LRP1B: variants seen among roughly 807,000 people sequenced by gnomAD.
The protein encoded by LRP1B is LDL receptor related protein 1B, also known as low-density lipoprotein receptor-related protein 1B.
A neutral mutation model predicts 556.6 loss-of-function variants in LRP1B; 217 were observed. The ratio of observed to expected loss-of-function variants is 0.39; its 90% CI spans 0.35 to 0.44. The LOEUF is 0.44. Ranked by LOEUF, LRP1B falls within the 20% of genes least tolerant of loss-of-function variation. The pLI, the probability that LRP1B is intolerant of heterozygous loss-of-function variation, is 1.00. For synonymous variants in LRP1B, 2,047 were observed against 1,865.8 expected, an observed-to-expected ratio of 1.10 and a Z score of -2.50; for missense variants, 5,053 against 5,620.8, an observed-to-expected ratio of 0.90 and a Z score of 3.23.
rs564201676 is a variant in LRP1B at position 141,172,124 on chromosome 2, G to A, written c.1013+16297C>T. On this transcript the variant is annotated intron_variant, in intron 7 of 90. Coordinates refer to ENST00000389484, the MANE Select transcript of LRP1B (RefSeq NM_018557.3). ...TTCTAGGTTACTTGATATCACATAT[G>A]AGAAGATGCTCAATGAAATAACTTT... 3.3e-5 allele frequency among the ~76,000 whole-genome samples: 5 copies of A among 152,222 alleles called. No homozygotes were observed. The East Asian group carries it at 7.8e-4, about 24-fold the overall frequency.
At chr2:141,493,649 C>T (rs573341826) in intron 2 of LRP1B, among the ~76,000 whole-genome samples, 11 of 152,218 alleles carry the variant, frequency 7.2e-5, no homozygotes, top group African/African-American at 1.2e-4. Context: ...GGTAGCCTCT[C>T]GCTCTGCCCA....
In LRP1B at chr2:142,004,284, G is replaced by A. The variant is rs187442789; in HGVS notation, c.82+126364C>T. On this transcript the variant is annotated intron_variant, in intron 1 of 90. Coordinates refer to ENST00000389484, the MANE Select transcript of LRP1B (RefSeq NM_018557.3). ...CACAGATCTATGATTTTAATTCTGG[G>A]TGCTAAGGAAAATTAGAATGTCATT... Among the ~76,000 whole-genome samples, 376 of 152,188 alleles carry A rather than the reference G, an allele frequency of 2.5e-3. 1 individual carries two copies. Among genetic ancestry groups the A allele is most frequent in the African/African-American group, 8.6e-3 (359 of 41,526 alleles).
chr2:140,873,685 G>T (rs1396271832), intron 25 of LRP1B, among the ~76,000 whole-genome samples: 2 of 151,716 alleles, frequency 1.3e-5, no homozygotes, highest in East Asian at 1.9e-4. Flanking sequence ...TAAATGTAAT[G>T]GGATAAATAC....
At chr2:142,022,638 A>G (rs1263797133) in intron 1 of LRP1B, among the ~76,000 whole-genome samples, 1 of 147,892 alleles carries the variant, frequency 6.8e-6, no homozygotes, top group Non-Finnish European at 1.5e-5. Flanking sequence ...TTTTATTTTA[A>G]TAAACAAATC....
At chr2:140,829,734 C>G (rs891743388) in intron 31 of LRP1B, among the ~76,000 whole-genome samples, 2 of 151,648 alleles carry the variant, frequency 1.3e-5, no homozygotes, top group Admixed American at 1.3e-4. Context: ...AAGAATAAAC[C>G]AATCCCAAAA....
chr2:140,475,230 G>A lies in LRP1B; in HGVS notation c.9533C>T (p.Ala3178Val). Residue 3178 changes from alanine (A) to valine (V), a missense_variant, in exon 60 of 91, where the codon GCA (alanine) becomes GTA (valine). Physicochemically the swap from Ala to Val is moderately conservative, Grantham distance 64. Transcript: ENST00000389484. ...VIETKISRPM[A>V]LTIDYVNRRL... ...ACGATTAACATAATCTATTGTTAGT[G>A]CCATAGGTCTAGAAATCTTGGTTTC... The A allele has an allele frequency of 6.2e-7, 1 of 1,611,692 alleles. No individual in the cohort carries two copies.
chr2:141,808,294 G>A (rs1696227347), intron 2 of LRP1B, among the ~76,000 whole-genome samples: 1 of 151,986 alleles, frequency 6.6e-6, no homozygotes, highest in South Asian at 2.1e-4. Context: ...AGAATTCACA[G>A]GAGGATCAGG....
chr2:141,894,635 T>TTAGATC (rs6146947), intron 1 of LRP1B, among the ~76,000 whole-genome samples: 5,592 of 147,294 alleles, frequency 0.038, 143 homozygotes, highest in Non-Finnish European at 0.056. Context: ...AATAGAATAT[T>TTAGATC]TAGATCTAGA....
At chr2:141,408,986 C>G (rs192307458) in intron 3 of LRP1B, among the ~76,000 whole-genome samples, 117 of 152,234 alleles carry the variant, frequency 7.7e-4, no homozygotes, top group Non-Finnish European at 1.4e-3. Context: ...TTACATTTCT[C>G]TACATTGGCT....
Position 141,271,083 on chromosome 2 carries a change from T to C in LRP1B, c.344-16442A>G, listed in dbSNP as rs925156091. 3.9e-5 allele frequency among the ~76,000 whole-genome samples: 6 copies of C among 151,910 alleles called. No individual in the cohort carries two copies. In the East Asian group the frequency reaches 1.2e-3, roughly 29 times the overall value. On this transcript the variant is annotated intron_variant, in intron 3 of 90. Coordinates refer to ENST00000389484, the MANE Select transcript of LRP1B (RefSeq NM_018557.3). Reference sequence around the variant, plus strand: ...ATTACTAAAATGAACTAAATAGGAATTCTTGGTTTGAAAAGAAAAATAACC... The same window carrying C: ...ATTACTAAAATGAACTAAATAGGAACTCTTGGTTTGAAAAGAAAAATAACC...
chr2:141,328,390 A>C (rs1050320586), intron 3 of LRP1B, among the ~76,000 whole-genome samples: 1 of 152,230 alleles, frequency 6.6e-6, no homozygotes, highest in Admixed American at 6.5e-5. Flanking sequence ...AACCATGCTT[A>C]TCATCTGGTA....
intron 28 of LRP1B, 59 bp from the exon 29 acceptor site, chr2:140,850,388 A>T (rs960774462): frequency 4.1e-6 from 4 of 982,188 alleles, no homozygotes; most frequent in African/African-American, 3.3e-5. Flanking sequence ...AAAGTCTAGA[A>T]ATTCTAAAAT....
chr2:141,078,447 G>A (rs1699845940), intron 7 of LRP1B, among the ~76,000 whole-genome samples: 1 of 152,118 alleles, frequency 6.6e-6, no homozygotes, highest in South Asian at 2.1e-4. Context: ...TTGCCCTGTG[G>A]CATCTAATAC....
chr2:141,618,482 A>G (rs1688388384), intron 2 of LRP1B, among the ~76,000 whole-genome samples: 1 of 152,220 alleles, frequency 6.6e-6, no homozygotes, highest in Non-Finnish European at 1.5e-5. Context: ...AGTTTCTCCC[A>G]TGTTTCCCTA....
chr2:141,001,023 A>G (rs960371690), intron 15 of LRP1B, among the ~76,000 whole-genome samples: 1 of 152,070 alleles, frequency 6.6e-6, no homozygotes, highest in Non-Finnish European at 1.5e-5. Flanking sequence ...TCCACTAATT[A>G]TGATCCACAT....
At chr2:141,272,931 AG>A (rs1685141335) in intron 3 of LRP1B, among the ~76,000 whole-genome samples, 1 of 152,238 alleles carries the variant, frequency 6.6e-6, no homozygotes, top group African/African-American at 2.4e-5. Context: ...AGATCAACAA[AG>A]AATAGAATAC....
chr2:140,328,065 T>G (rs1680588848), intron 79 of LRP1B, among the ~76,000 whole-genome samples: 1 of 152,020 alleles, frequency 6.6e-6, no homozygotes, highest in Non-Finnish European at 1.5e-5. Flanking sequence ...TGAAAAAAGT[T>G]CATGTCTATC....
intron 1 of LRP1B, among the ~76,000 whole-genome samples, chr2:141,931,710 A>T (rs1042457881): frequency 6.6e-6 from 1 of 152,030 alleles, no homozygotes; most frequent in African/African-American, 2.4e-5. Context: ...ATTCTTTCAT[A>T]AAAGAATGGG....
intron 84 of LRP1B, among the ~76,000 whole-genome samples, chr2:140,280,257 G>A (rs531449376): frequency 6.1e-4 from 93 of 151,862 alleles, no homozygotes; most frequent in African/African-American, 2.2e-3. Context: ...ATTCAGCTTA[G>A]TAATTAGTAG....
Sources: allele counts gnomAD v4.1 joint callset (sites outside exome capture counted in the v4.1 genomes callset), GRCh38; gene constraint gnomAD v4.1.1; transcripts MANE v1.5; gene names NCBI Gene and HGNC (gene_info 2026-07-23, HGNC 2026-07-21).